BCAS2: variants seen among roughly 807,000 people sequenced by gnomAD.
The protein encoded by BCAS2 is pre-mRNA-splicing factor SPF27.
Under a neutral mutation model 35.3 loss-of-function variants are expected in BCAS2, and 34 were observed. That is an observed-to-expected ratio of 0.96 (90% CI 0.73 to 1.28). BCAS2 has a LOEUF of 1.28. Ranked by LOEUF, BCAS2 falls within the 50% of genes most tolerant of loss-of-function variation. The probability of loss-of-function intolerance (pLI) is 0.00; values close to 1 mark genes in which losing one functional copy is unlikely to be tolerated. For missense variants in BCAS2, 221 were observed against 268.1 expected (o/e 0.82, Z 1.23); for synonymous variants, 75 against 91.6 (o/e 0.82, Z 1.03).
chr1:114,568,367 A>AG, intron 6 of BCAS2, 111 bp from the exon 7 acceptor site: 1 of 899,772 alleles, frequency 1.1e-6, no homozygotes, highest in Non-Finnish European at 1.5e-6. Flanking sequence ...ACTAACCTTC[A>AG]CTTTTTTTTT....
intron 4 of BCAS2, among the ~76,000 whole-genome samples, chr1:114,571,149 G>C (rs771839869): frequency 2.6e-5 from 4 of 151,662 alleles, no homozygotes; most frequent in Admixed American, 2.6e-4. Context: ...TCTGCTTCCT[G>C]GTTCAAGAGA....
chr1:114,581,492 C>A lies in BCAS2; in HGVS notation c.93+7G>T, dbSNP rs766351174. On this transcript the variant is annotated splice_region_variant and intron_variant, in intron 1 of 6. Coordinates refer to ENST00000369541, the MANE Select transcript of BCAS2 (RefSeq NM_005872.3). ...GTGAGTCAGCTACAAAGACACCCCG[C>A]ACTCACCGCTTCCCGCACACCAGGG... The A allele has an allele frequency of 1.9e-6, 3 of 1,614,030 alleles. No individual in the cohort carries two copies. The African/African-American group carries it at 4.0e-5, about 22-fold the overall frequency.
rs756827227 is a variant in BCAS2 at position 114,568,248 on chromosome 1, G to T, written c.560C>A (p.Ser187Tyr). 2 of 1,612,328 alleles carry T rather than the reference G, an allele frequency of 1.2e-6. No individual in the cohort carries two copies. Among genetic ancestry groups the T allele is most frequent in the Non-Finnish European group, 1.7e-6 (2 of 1,179,338 alleles). The change falls in exon 7 of 7, where the codon TCC becomes TAC. Residue 187 changes from serine to tyrosine, a missense_variant. Physicochemically the swap from Ser to Tyr is moderately radical, Grantham distance 144. Coordinates refer to ENST00000369541, the MANE Select transcript of BCAS2 (RefSeq NM_005872.3). ...KLREMESNWV[S>Y]LVSKNYEIER... ...AATCTCATAATTCTTACTGACCAGG[G>T]ATACCCAACTAGAATGGGGGGGAAG...
rs1654559939 is a variant in BCAS2 at position 114,568,001 on chromosome 1, C to T, written c.*129G>A. The T allele has an allele frequency of 8.0e-7, 1 of 1,249,078 alleles. No individual in the cohort carries two copies. The highest frequency in any genetic ancestry group is 1.1e-6 in the Non-Finnish European group (1 of 891,002). The allele number at this position is 1,249,078 out of a possible 1,614,324, so 77.4% of individuals were successfully genotyped here. ...AATAGAATTACCACAGCAGCCTACA[C>T]CTTCTATGATTTCTAAACACTTAAA... On this transcript the variant is annotated 3_prime_UTR_variant, in exon 7 of 7. Coordinates refer to ENST00000369541, the MANE Select transcript of BCAS2 (RefSeq NM_005872.3).
intron 4 of BCAS2, among the ~76,000 whole-genome samples, chr1:114,574,772 G>C (rs1417203477): frequency 1.3e-5 from 2 of 152,194 alleles, no homozygotes; most frequent in Admixed American, 1.3e-4. Context: ...TTTCAAAATA[G>C]TGGCCTTTCA....
intron 3 of BCAS2, among the ~76,000 whole-genome samples, chr1:114,576,455 AT>A (rs1654769990): frequency 1.4e-5 from 2 of 146,642 alleles, no homozygotes; most frequent in African/African-American, 4.9e-5. Flanking sequence ...TATTATTATT[AT>A]TAATTATTTT....
intron 1 of BCAS2, 45 bp downstream of exon 1, chr1:114,581,454 G>T (rs770489944): frequency 6.2e-7 from 1 of 1,613,750 alleles, no homozygotes; most frequent in Non-Finnish European, 8.5e-7. Flanking sequence ...TTTCAGTACC[G>T]AGCCAGCTAG....
chr1:114,575,699 G>C lies in BCAS2; in HGVS notation c.310C>G (p.Gln104Glu), dbSNP rs1654746100. The change falls in exon 4 of 7, where the codon CAA becomes GAA. Residue 104 changes from glutamine to glutamate, a missense_variant. Physicochemically the swap from Gln to Glu is conservative, Grantham distance 29. Coordinates refer to ENST00000369541, the MANE Select transcript of BCAS2 (RefSeq NM_005872.3). Reference sequence around the variant, plus strand: ...GCCATAGAATTGTTTACACATTCTTGCCATGCAGTAATGTCATTTTTTTGA... The same window carrying C: ...GCCATAGAATTGTTTACACATTCTTCCCATGCAGTAATGTCATTTTTTTGA... ...SGQKNDITAW[Q>E]ECVNNSMAQL... is the part of the protein sequence containing the mutation. 6.2e-7 allele frequency: 1 copy of C among 1,613,142 alleles called. No individual in the cohort carries two copies. Among genetic ancestry groups the C allele is most frequent in the African/African-American group, 1.3e-5 (1 of 74,880 alleles).
intron 4 of BCAS2, among the ~76,000 whole-genome samples, chr1:114,574,320 TG>T (rs1185838803): frequency 2.0e-5 from 3 of 152,216 alleles, no homozygotes; most frequent in Admixed American, 6.5e-5. Flanking sequence ...TTTGCCTTCT[TG>T]TTTTAGCTCT....
intron 3 of BCAS2, 151 bp from the exon 4 acceptor site, chr1:114,575,902 G>A: frequency 1.3e-6 from 1 of 784,062 alleles, no homozygotes; most frequent in South Asian, 2.2e-5. Context: ...ACCGATATAT[G>A]CTAACAATCA....
chr1:114,576,831 G>T lies in BCAS2; in HGVS notation c.187-73C>A, dbSNP rs1388180454. The T allele has an allele frequency of 4.3e-6, 5 of 1,153,992 alleles. No individual in the cohort carries two copies. The Admixed American group carries it at 7.8e-5, about 18-fold the overall frequency. 71.5% of individuals were successfully genotyped at this position (1,153,992 alleles called of 1,614,324 possible). ...AAAAATTAACAATCACCAAAGAACAGATTTAAGCTACACTACCCATTATAA... is the reference window on the plus strand; with the variant it reads ...AAAAATTAACAATCACCAAAGAACATATTTAAGCTACACTACCCATTATAA... On this transcript the variant is annotated intron_variant, in intron 2 of 6. Transcript: ENST00000369541.
Position 114,581,378 on chromosome 1 carries a change from A to C in BCAS2, c.107T>G (p.Val36Gly). The change falls in exon 2 of 7, where the codon GTG becomes GGG. Residue 36 changes from valine to glycine, a missense_variant. Physicochemically the swap from Val to Gly is moderately radical, Grantham distance 109 (BLOSUM62 -3). Transcript: ENST00000369541. Reference sequence around the variant, plus strand: ...TCGGTATCTGCGAGTTTCCTCCTCCACCAGCGCTGCAGCCTAAGAAAGAGA... The same window carrying C: ...TCGGTATCTGCGAGTTTCCTCCTCCCCCAGCGCTGCAGCCTAAGAAAGAGA... ...PGVREAAAAL[V>G]EEETRRYRPT... 6.2e-7 allele frequency: 1 copy of C among 1,614,140 alleles called. No homozygotes were observed. Among genetic ancestry groups the C allele is most frequent in the South Asian group, 1.1e-5 (1 of 91,082 alleles).
chr1:114,573,744 TTC>T (rs150600512), intron 4 of BCAS2, among the ~76,000 whole-genome samples: 9,775 of 152,288 alleles, frequency 0.064, 395 homozygotes, highest in Middle Eastern at 0.099. Flanking sequence ...CCATTCTTTC[TTC>T]TTTTTCCCCC....
Position 114,575,601 on chromosome 1 carries a change from T to C in BCAS2, c.408A>G (p.Lys136=), listed in dbSNP as rs369339686. 6.1e-5 allele frequency: 97 copies of C among 1,601,242 alleles called. No individual in the cohort carries two copies. The highest frequency in any genetic ancestry group is 7.4e-5 in the Non-Finnish European group (87 of 1,177,214). The change falls in exon 4 of 7, where the codon AAA becomes AAG. Residue 136 remains lysine, a synonymous_variant. Transcript: ENST00000369541. Reference sequence around the variant, plus strand: ...AAAAAGGTTCTTACTCATTGTATACTTTCCAGGCATTACATCCATGCTGTG... The same window carrying C: ...AAAAAGGTTCTTACTCATTGTATACCTTCCAGGCATTACATCCATGCTGTG... ...LMSQHGCNAW[K]VYNENLVHMI...
intron 4 of BCAS2, among the ~76,000 whole-genome samples, chr1:114,575,036 C>T (rs76556383): frequency 1.4e-5 from 2 of 140,270 alleles, no homozygotes; most frequent in South Asian, 2.3e-4. Flanking sequence ...GCCGGCTAAT[C>T]TTTTTTTTTT....
chr1:114,571,736 C>T (rs945040681), intron 4 of BCAS2, among the ~76,000 whole-genome samples: 27 of 152,160 alleles, frequency 1.8e-4, no homozygotes, highest in Admixed American at 2.0e-4. Context: ...TATTTCTCAA[C>T]CCCCTTTTAT....
chr1:114,573,907 G>A (rs1203062649), intron 4 of BCAS2, among the ~76,000 whole-genome samples: 6 of 152,066 alleles, frequency 3.9e-5, no homozygotes, highest in Non-Finnish European at 8.8e-5. Context: ...ATCATTTCAT[G>A]GTTTTGCTTT....
chr1:114,577,676 C>T (rs66950723), intron 2 of BCAS2, among the ~76,000 whole-genome samples: 42,850 of 152,080 alleles, frequency 0.28, 6,486 homozygotes, highest in Non-Finnish European at 0.33. Context: ...TTTTACTGTT[C>T]GCAAGTAAAT....
At position 114,568,192 on chromosome 1, in the gene BCAS2, T is replaced by C. The variant is rs771213927; in HGVS notation, c.616A>G (p.Ile206Val). ...ERTIVQLENE[I>V]YQIKQQHGEA... ...CCATGTTGCTGCTTAATTTGATAGA[T>C]TTCATTTTCTAGCTGAACAATAGTC... Residue 206 changes from isoleucine to valine, a missense_variant, in exon 7 of 7, where the codon ATC becomes GTC. Coordinates refer to ENST00000369541, the MANE Select transcript of BCAS2 (RefSeq NM_005872.3). 1.2e-6 allele frequency: 2 copies of C among 1,613,936 alleles called. No homozygotes were observed. Among genetic ancestry groups the C allele is most frequent in the African/African-American group, 1.3e-5 (1 of 75,050 alleles).
Sources: gnomAD v4.1 joint callset for allele counts (sites outside exome capture counted in the v4.1 genomes callset) on GRCh38, gnomAD v4.1.1 for gene constraint, MANE v1.5 for transcripts, NCBI Gene and HGNC (gene_info 2026-07-23, HGNC 2026-07-21) for gene names.